Variants in SYT1 observed in about 807,000 individuals in gnomAD.
The protein encoded by SYT1 is synaptotagmin-1.
In SYT1, 8 loss-of-function variants were observed where a neutral mutation model predicts 44.8. The ratio of observed to expected loss-of-function variants is 0.18; its 90% confidence interval spans 0.10 to 0.32. SYT1 has a LOEUF of 0.32. SYT1 is among the 10% of genes least tolerant of loss of function. The pLI, the probability that SYT1 is intolerant of heterozygous loss-of-function variation, is 1.00. For missense variants in SYT1, 286 were observed against 509.3 expected (o/e 0.56, Z 4.22); for synonymous variants, 154 against 188.8 (o/e 0.82, Z 1.51).
chr12:79,408,504 G>C (rs1258100688), intron 9 of SYT1, among the ~76,000 whole-genome samples: 1 of 152,104 alleles, frequency 6.6e-6, no homozygotes, highest in Non-Finnish European at 1.5e-5. Context: ...CATTTAGCGA[G>C]GTGATTCAGC....
chr12:79,145,439 C>T (rs981644956), intron 3 of SYT1, among the ~76,000 whole-genome samples: 1 of 152,032 alleles, frequency 6.6e-6, no homozygotes, highest in Non-Finnish European at 1.5e-5. Flanking sequence ...CTGATTCTTT[C>T]TATGACTTTA....
intron 1 of SYT1, among the ~76,000 whole-genome samples, chr12:78,891,082 A>T (rs1442668698): frequency 1.3e-5 from 2 of 151,722 alleles, no homozygotes; most frequent in East Asian, 3.9e-4. Flanking sequence ...CTATTTTATT[A>T]TTGGTTTATT....
intron 1 of SYT1, among the ~76,000 whole-genome samples, chr12:78,900,611 A>G (rs76809175): frequency 6.6e-6 from 1 of 152,140 alleles, no homozygotes; most frequent in Non-Finnish European, 1.5e-5. Flanking sequence ...AAGGCACATT[A>G]GAGTGGAGCA....
chr12:79,218,443 A>G (rs1406364952), intron 4 of SYT1, among the ~76,000 whole-genome samples: 2 of 152,190 alleles, frequency 1.3e-5, no homozygotes, highest in Non-Finnish European at 2.9e-5. Flanking sequence ...AGACATAAAC[A>G]TCATGTTGTG....
intron 3 of SYT1, among the ~76,000 whole-genome samples, chr12:79,198,718 A>G (rs916046350): frequency 2.6e-5 from 4 of 152,164 alleles, no homozygotes; most frequent in African/African-American, 9.7e-5. Context: ...GTAGAGATGG[A>G]GATAAAAGCT....
chr12:79,162,513 A>G (rs1243105375), intron 3 of SYT1, among the ~76,000 whole-genome samples: 2 of 152,282 alleles, frequency 1.3e-5, no homozygotes, highest in African/African-American at 4.8e-5. Flanking sequence ...TATGACATCT[A>G]GAGCTAAACA....
At chr12:78,925,958 A>G (rs915388406) in intron 1 of SYT1, among the ~76,000 whole-genome samples, 1 of 152,082 alleles carries the variant, frequency 6.6e-6, no homozygotes, top group African/African-American at 2.4e-5. Flanking sequence ...ATAATGGCTT[A>G]TTTCATTCCT....
At chr12:78,994,105 G>A (rs532929545) in intron 2 of SYT1, among the ~76,000 whole-genome samples, 12 of 152,050 alleles carry the variant, frequency 7.9e-5, no homozygotes, top group Non-Finnish European at 1.6e-4. Flanking sequence ...GCTTTTTATC[G>A]AATTCCCTGT....
At chr12:79,429,522 T>G (rs926185288) in intron 9 of SYT1, among the ~76,000 whole-genome samples, 2 of 151,886 alleles carry the variant, frequency 1.3e-5, no homozygotes, top group Admixed American at 6.6e-5. Flanking sequence ...ATTATGATTT[T>G]TTTGTTTGTT....
intron 7 of SYT1, among the ~76,000 whole-genome samples, chr12:79,297,339 A>G (rs1477260978): frequency 1.3e-5 from 2 of 152,198 alleles, no homozygotes; most frequent in Non-Finnish European, 2.9e-5. Flanking sequence ...CTTAATCACT[A>G]TAGTCAACAT....
intron 9 of SYT1, among the ~76,000 whole-genome samples, chr12:79,404,256 A>G (rs889237191): frequency 6.6e-6 from 1 of 152,176 alleles, no homozygotes; most frequent in Non-Finnish European, 1.5e-5. Flanking sequence ...GGCAGACTAA[A>G]TTATAATGGT....
intron 4 of SYT1, among the ~76,000 whole-genome samples, chr12:79,240,445 A>G (rs1404850104): frequency 6.6e-6 from 1 of 152,200 alleles, no homozygotes; most frequent in African/African-American, 2.4e-5. Flanking sequence ...GATATCTTCC[A>G]GTGCAGATTC....
At chr12:78,938,021 T>G (rs1878155697) in intron 1 of SYT1, among the ~76,000 whole-genome samples, 1 of 152,138 alleles carries the variant, frequency 6.6e-6, no homozygotes, top group African/African-American at 2.4e-5. Flanking sequence ...GGTGAGACAG[T>G]TAAAAGTCGA....
intron 2 of SYT1, among the ~76,000 whole-genome samples, chr12:79,010,586 A>T (rs1342195258): frequency 6.6e-6 from 1 of 152,154 alleles, no homozygotes; most frequent in Admixed American, 6.6e-5. Context: ...TTTTTAAATT[A>T]AACCTGGATT....
intron 1 of SYT1, among the ~76,000 whole-genome samples, chr12:78,906,778 A>G (rs1178184781): frequency 6.6e-6 from 1 of 152,100 alleles, no homozygotes; most frequent in Non-Finnish European, 1.5e-5. Flanking sequence ...TTACTCTGCT[A>G]GAGCACCACG....
At chr12:79,069,083 G>C (rs991742309) in intron 3 of SYT1, among the ~76,000 whole-genome samples, 1 of 152,100 alleles carries the variant, frequency 6.6e-6, no homozygotes, top group Non-Finnish European at 1.5e-5. Flanking sequence ...GTTCAATAAA[G>C]GAAAGGCAGT....
intron 1 of SYT1, among the ~76,000 whole-genome samples, chr12:78,901,844 G>T (rs1203135636): frequency 6.6e-6 from 1 of 152,048 alleles, no homozygotes; most frequent in African/African-American, 2.4e-5. Flanking sequence ...TGTGGATGCT[G>T]CCTCCTTACC....
chr12:79,069,932 T>G (rs973171862), intron 3 of SYT1, among the ~76,000 whole-genome samples: 1 of 152,096 alleles, frequency 6.6e-6, no homozygotes, highest in Admixed American at 6.6e-5. Flanking sequence ...CAATAAATAA[T>G]AAATGAGAAA....
At position 79,037,475 on chromosome 12, in the gene SYT1, A is replaced by T. The variant is rs191506564; in HGVS notation, c.-83-9822A>T. Among the ~76,000 whole-genome samples, 2 of 151,930 alleles carry T rather than the reference A, an allele frequency of 1.3e-5. 1 individual carries two copies. The highest frequency in any genetic ancestry group is 2.9e-5 in the Non-Finnish European group (2 of 67,840). Reference sequence around the variant, plus strand: ...GTTGACTTGTATAATAAAGTGTCAAAACAGAAAAAATGAGTAGTTCTTTCA... The same window carrying T: ...GTTGACTTGTATAATAAAGTGTCAATACAGAAAAAATGAGTAGTTCTTTCA... On this transcript the variant is annotated intron_variant, in intron 2 of 10. Coordinates refer to ENST00000261205, the MANE Select transcript of SYT1 (RefSeq NM_005639.3).
Sources: allele counts gnomAD v4.1 joint callset (sites outside exome capture counted in the v4.1 genomes callset), GRCh38; gene constraint gnomAD v4.1.1; transcripts MANE v1.5; gene names NCBI Gene and HGNC (gene_info 2026-07-23, HGNC 2026-07-21).